PGM5: variants seen among roughly 807,000 people sequenced by gnomAD.
PGM5 encodes phosphoglucomutase-like protein 5.
A neutral mutation model predicts 59.2 loss-of-function variants in PGM5; 23 were observed. That is an observed-to-expected ratio of 0.39 (90% CI 0.28 to 0.55). The LOEUF is 0.55. Ranked by LOEUF, PGM5 falls within the 20% of genes least tolerant of loss-of-function variation. PGM5 has a pLI of 0.66. For synonymous variants in PGM5, 214 were observed against 286.0 expected, an observed-to-expected ratio of 0.75 and a Z score of 2.54; for missense variants, 574 against 748.3, an observed-to-expected ratio of 0.77 and a Z score of 2.72.
intron 6 of PGM5, among the ~76,000 whole-genome samples, chr9:68,444,406 C>T (rs2132065387): frequency 6.6e-6 from 1 of 152,098 alleles, no homozygotes; most frequent in Middle Eastern, 3.4e-3. Flanking sequence ...AGAAGCAAGA[C>T]CAATTTTAGA....
At chr9:68,478,409 G>A (rs1469255319) in intron 7 of PGM5, among the ~76,000 whole-genome samples, 1 of 152,194 alleles carries the variant, frequency 6.6e-6, no homozygotes, top group African/African-American at 2.4e-5. Context: ...CTTCTTCTCA[G>A]GGGTTAGCTC....
chr9:68,472,701 C>G (rs1218467668), intron 7 of PGM5, among the ~76,000 whole-genome samples: 3 of 152,180 alleles, frequency 2.0e-5, no homozygotes, highest in African/African-American at 7.2e-5. Context: ...ATGAGCCAGC[C>G]CAGGGTAGAG....
At chr9:68,510,236 C>T (rs920210110) in intron 10 of PGM5, among the ~76,000 whole-genome samples, 4 of 150,902 alleles carry the variant, frequency 2.7e-5, no homozygotes, top group Non-Finnish European at 5.9e-5. Flanking sequence ...ACTGCAAGCT[C>T]CGCCTCCTGG....
chr9:68,467,395 T>A (rs1554685913), intron 7 of PGM5, among the ~76,000 whole-genome samples: 1 of 152,208 alleles, frequency 6.6e-6, no homozygotes, highest in African/African-American at 2.4e-5. Flanking sequence ...TCTTTGGAAT[T>A]CACTTGACTG....
At chr9:68,476,635 T>A (rs1824110741) in intron 7 of PGM5, among the ~76,000 whole-genome samples, 2 of 152,204 alleles carry the variant, frequency 1.3e-5, no homozygotes, top group South Asian at 4.1e-4. Context: ...TGAAGCATCA[T>A]TAATGTCTCT....
intron 10 of PGM5, among the ~76,000 whole-genome samples, chr9:68,512,442 T>A (rs1587227641): frequency 6.6e-6 from 1 of 152,188 alleles, no homozygotes; most frequent in Non-Finnish European, 1.5e-5. Context: ...AACTTGTTTC[T>A]TATTCTGGAG....
chr9:68,526,680 G>T (rs1033264122), intron 10 of PGM5, among the ~76,000 whole-genome samples: 1 of 151,976 alleles, frequency 6.6e-6, no homozygotes, highest in South Asian at 2.1e-4. Context: ...ATTACAGCGG[G>T]AACTTAAGGA....
intron 6 of PGM5, among the ~76,000 whole-genome samples, chr9:68,429,610 T>C (rs1439249822): frequency 6.6e-6 from 1 of 151,968 alleles, no homozygotes; most frequent in African/African-American, 2.4e-5. Flanking sequence ...CTAAATGAAA[T>C]AAATATGTTT....
intron 6 of PGM5, among the ~76,000 whole-genome samples, chr9:68,401,066 A>G (rs1478576708): frequency 6.8e-6 from 1 of 146,796 alleles, no homozygotes; most frequent in Non-Finnish European, 1.5e-5. Flanking sequence ...CTAATGGGAA[A>G]GTGATCTCAG....
chr9:68,365,874 A>G (rs1834669694), intron 1 of PGM5, among the ~76,000 whole-genome samples: 1 of 152,216 alleles, frequency 6.6e-6, no homozygotes, highest in Non-Finnish European at 1.5e-5. Context: ...GGAGAGTTTT[A>G]CAACAAATAT....
At chr9:68,468,585 G>T (rs1823972818) in intron 7 of PGM5, among the ~76,000 whole-genome samples, 1 of 152,098 alleles carries the variant, frequency 6.6e-6, no homozygotes, top group African/African-American at 2.4e-5. Context: ...GCATTGTGTT[G>T]GATGGTGTGT....
At chr9:68,409,866 A>T (rs1255007090) in intron 6 of PGM5, among the ~76,000 whole-genome samples, 2 of 104,254 alleles carry the variant, frequency 1.9e-5, no homozygotes, top group African/African-American at 5.7e-5. Flanking sequence ...CCTAAAACTT[A>T]AAGTATAAAA....
chr9:68,490,246 T>C (rs1824367674), intron 9 of PGM5, among the ~76,000 whole-genome samples: 1 of 152,274 alleles, frequency 6.6e-6, no homozygotes, highest in African/African-American at 2.4e-5. Flanking sequence ...AACTGAATCA[T>C]ATCAACTGGA....
chr9:68,426,515 A>G (rs964566223), intron 6 of PGM5, among the ~76,000 whole-genome samples: 4 of 151,886 alleles, frequency 2.6e-5, no homozygotes, highest in Non-Finnish European at 4.4e-5. Context: ...CCCTTTCCCT[A>G]TTGATGGACA....
intron 10 of PGM5, among the ~76,000 whole-genome samples, chr9:68,517,790 C>A (rs1283650586): frequency 1.3e-5 from 2 of 152,224 alleles, no homozygotes; most frequent in East Asian, 1.9e-4. Context: ...TTCAAACTAA[C>A]CTTCCCTCTG....
At chr9:68,385,941 T>C (rs373202113) in intron 3 of PGM5, among the ~76,000 whole-genome samples, 8,021 of 151,754 alleles carry the variant, frequency 0.053, 215 homozygotes, top group African/African-American at 0.078. Context: ...CTGGTTCAAG[T>C]GTTGAGCAAA....
chr9:68,372,780 C>T (rs1343582231), intron 1 of PGM5, among the ~76,000 whole-genome samples: 3 of 152,040 alleles, frequency 2.0e-5, no homozygotes, highest in South Asian at 2.1e-4. Context: ...TTACACATGG[C>T]GGATGACAAA....
chr9:68,389,227 C>CT (rs1401613974), intron 4 of PGM5, among the ~76,000 whole-genome samples: 1 of 151,998 alleles, frequency 6.6e-6, no homozygotes, highest in Non-Finnish European at 1.5e-5. Flanking sequence ...GATACCATAT[C>CT]TTTTTAAACT....
chr9:68,519,951 G>A (rs1824875267), intron 10 of PGM5, among the ~76,000 whole-genome samples: 3 of 144,794 alleles, frequency 2.1e-5, no homozygotes, highest in African/African-American at 7.7e-5. Flanking sequence ...TTAGCCAGGT[G>A]TGATGGTGTG....
Sources: allele counts gnomAD v4.1 joint callset (sites outside exome capture counted in the v4.1 genomes callset), GRCh38; gene constraint gnomAD v4.1.1; transcripts MANE v1.5; gene names NCBI Gene and HGNC (gene_info 2026-07-23, HGNC 2026-07-21).